ELF2: variants seen among roughly 807,000 people sequenced by gnomAD.
ELF2 encodes the protein ETS-related transcription factor Elf-2.
Under a neutral mutation model 54.8 loss-of-function variants are expected in ELF2, and 11 were observed. The observed-to-expected ratio is 0.20, with a 90% confidence interval of 0.13 to 0.33. The LOEUF (loss-of-function observed/expected upper bound fraction) is 0.33. Ranked by LOEUF, ELF2 falls within the 10% of genes least tolerant of loss-of-function variation. ELF2 has a pLI of 1.00. For missense variants in ELF2, 513 were observed against 703.0 expected (o/e 0.73, Z 3.06); for synonymous variants, 203 against 245.1 (o/e 0.83, Z 1.61).
chr4:139,064,355 T>C (rs1286404482), intron 7 of ELF2, among the ~76,000 whole-genome samples: 2 of 152,172 alleles, frequency 1.3e-5, no homozygotes, highest in East Asian at 1.9e-4. Flanking sequence ...ACGAAAAAGA[T>C]AGGTCATCTG....
At chr4:139,161,696 C>T (rs1445099797) in intron 1 of ELF2, among the ~76,000 whole-genome samples, 1 of 144,008 alleles carries the variant, frequency 6.9e-6, no homozygotes, top group African/African-American at 2.6e-5. Flanking sequence ...GTAGGCCGGG[C>T]GCGGTGGCTC....
At chr4:139,067,904 C>G (rs1728950602) in intron 6 of ELF2, 134 bp from the exon 7 acceptor site, 2 of 828,446 alleles carry the variant, frequency 2.4e-6, no homozygotes, top group African/African-American at 1.7e-5. Context: ...CTATGAAAAG[C>G]TGCTTCTAAA....
intron 3 of ELF2, among the ~76,000 whole-genome samples, chr4:139,127,687 A>G (rs1020610076): frequency 3.3e-5 from 5 of 152,142 alleles, no homozygotes; most frequent in Admixed American, 3.3e-4. Context: ...TTTGCATTAA[A>G]AAATTCAGGG....
intron 3 of ELF2, among the ~76,000 whole-genome samples, chr4:139,131,053 G>C (rs1273474246): frequency 1.3e-5 from 2 of 152,132 alleles, no homozygotes; most frequent in African/African-American, 4.8e-5. Flanking sequence ...CATGTACAAG[G>C]TTATTTTACT....
intron 1 of ELF2, among the ~76,000 whole-genome samples, chr4:139,172,087 C>T (rs537674487): frequency 5.3e-5 from 8 of 152,222 alleles, no homozygotes; most frequent in East Asian, 1.9e-4. Flanking sequence ...AAAAGCTAAA[C>T]GTATGATGCT....
chr4:139,115,274 G>C, intron 4 of ELF2: 2 of 1,601,716 alleles, frequency 1.2e-6, no homozygotes, highest in Admixed American at 1.7e-5. Context: ...GCGGTCCCGG[G>C]GGGGGCTCTG....
In ELF2 at chr4:139,059,553, T is replaced by C. The variant is rs1727502410; in HGVS notation, c.1212A>G (p.Lys404=). The change falls in exon 10 of 10, where the codon AAA becomes AAG. Residue 404 remains lysine, a synonymous_variant. Coordinates refer to ENST00000686138, the MANE Select transcript of ELF2 (RefSeq NM_001331036.3). ...CTGACTGAACTGCCACAGTTGAAAT[T>C]TTCTGACCCAATGATGTCATTACAA... is the stretch of plus-strand genomic sequence containing the variant. ...VPVVMTSLGQ[K]ISTVAVQSVN... 1.2e-6 allele frequency: 2 copies of C among 1,613,670 alleles called. No homozygotes were observed. The highest frequency in any genetic ancestry group is 1.7e-4 in the Middle Eastern group (1 of 6,056).
At chr4:139,169,137 C>A (rs142544042) in intron 1 of ELF2, among the ~76,000 whole-genome samples, 157 of 151,990 alleles carry the variant, frequency 1.0e-3, no homozygotes, top group African/African-American at 3.6e-3. Flanking sequence ...CACTTGAGGT[C>A]AGGAGTTTAA....
In ELF2 at chr4:139,076,434, C is replaced by T. The variant is rs186038965; in HGVS notation, c.239-2867G>A. Among the ~76,000 whole-genome samples, 11 of 151,166 alleles carry T rather than the reference C, an allele frequency of 7.3e-5. No individual in the cohort carries two copies. In the East Asian group the frequency reaches 2.1e-3, roughly 29 times the overall value. On this transcript the variant is annotated intron_variant, in intron 4 of 9. Coordinates refer to ENST00000686138, the MANE Select transcript of ELF2 (RefSeq NM_001331036.3). ...AGTGCCTCCCTACAATACTCACATA[C>T]ACTAAGAAAAAAAAAAAACCTTCAA... is the stretch of plus-strand genomic sequence containing the variant.
chr4:139,115,424 G>A lies in ELF2; in HGVS notation c.238+9740C>T, dbSNP rs1735586767. The A allele has an allele frequency of 6.1e-6, 6 of 989,478 alleles. No individual in the cohort carries two copies. In the South Asian group the frequency reaches 2.3e-4, roughly 39 times the overall value. 61.3% of individuals were successfully genotyped at this position (989,478 alleles called of 1,614,324 possible). A position where few individuals can be genotyped will look rare whatever the true frequency, so the allele number is the denominator to read the frequency against. On this transcript the variant is annotated intron_variant, in intron 4 of 9. Coordinates refer to ENST00000686138, the MANE Select transcript of ELF2 (RefSeq NM_001331036.3). ...GCATCGGGCCCCTCCCTGCGCCACC[G>A]CCTCCGGGACGCCCCCGGCTGGCTG...
At chr4:139,063,044 GGT>G (rs1395390673) in intron 7 of ELF2, among the ~76,000 whole-genome samples, 2 of 152,112 alleles carry the variant, frequency 1.3e-5, no homozygotes, top group Non-Finnish European at 2.9e-5. Context: ...TATCACGTGA[GGT>G]CAGGAGTTCG....
rs148979362 is a variant in ELF2, at chr4:139,109,391, A to C, written c.238+15773T>G. 1.2e-3 allele frequency among the ~76,000 whole-genome samples: 183 copies of C among 152,332 alleles called. 1 individual carries two copies. The highest frequency in any genetic ancestry group is 6.8e-3 in the Middle Eastern group (2 of 294). On this transcript the variant is annotated intron_variant, in intron 4 of 9. Coordinates refer to ENST00000686138, the MANE Select transcript of ELF2 (RefSeq NM_001331036.3). ...TGAGGTAAAAGGCTAAATATAATAC[A>C]GTTTATTAAATGAGAATTTTAGTCC...
chr4:139,095,480 A>AG (rs1289713630), intron 4 of ELF2, among the ~76,000 whole-genome samples: 1 of 152,024 alleles, frequency 6.6e-6, no homozygotes, highest in African/African-American at 2.4e-5. Context: ...CCACTGTGCC[A>AG]GCCTGCTATA....
chr4:139,073,655 G>A (rs1399417692), intron 4 of ELF2, 88 bp from the exon 5 acceptor site: 5 of 608,068 alleles, frequency 8.2e-6, no homozygotes, highest in Non-Finnish European at 1.0e-5. Flanking sequence ...ATTCACTCCT[G>A]AAAGAGAAAT....
At chr4:139,071,303 A>G (rs1019377842) in intron 6 of ELF2, among the ~76,000 whole-genome samples, 1 of 151,912 alleles carries the variant, frequency 6.6e-6, no homozygotes, top group Non-Finnish European at 1.5e-5. Context: ...ATATATGAAT[A>G]TGATATATAT....
chr4:139,151,691 G>A (rs1205773383), intron 1 of ELF2, among the ~76,000 whole-genome samples: 1 of 152,130 alleles, frequency 6.6e-6, no homozygotes, highest in Non-Finnish European at 1.5e-5. Context: ...CCAAAGAGGA[G>A]GTTAAAAAGG....
rs77661253 is a variant in ELF2, at chr4:139,176,621, G to A, written c.-252+346C>T. ...GTGACTCGCGCAGAGATGTAAACAC[G>A]GAGAGACCAGCTGCGCTCGGCCCAT... On this transcript the variant is annotated intron_variant, in intron 1 of 9. Coordinates refer to ENST00000686138, the MANE Select transcript of ELF2 (RefSeq NM_001331036.3). 1.1e-3 allele frequency among the ~76,000 whole-genome samples: 169 copies of A among 152,196 alleles called. 1 individual carries two copies. Among genetic ancestry groups the A allele is most frequent in the African/African-American group, 4.0e-3 (166 of 41,516 alleles).
intron 4 of ELF2, among the ~76,000 whole-genome samples, chr4:139,087,747 G>T (rs890974854): frequency 3.9e-5 from 6 of 152,160 alleles, no homozygotes; most frequent in Admixed American, 3.3e-4. Context: ...TTACAGGCGT[G>T]AGTCACCACG....
intron 1 of ELF2, among the ~76,000 whole-genome samples, chr4:139,171,331 G>A (rs1284771667): frequency 6.6e-6 from 1 of 151,970 alleles, no homozygotes; most frequent in Non-Finnish European, 1.5e-5. Flanking sequence ...AGCCCAGGAG[G>A]TCAAGGCTAC....
Sources: allele counts gnomAD v4.1 joint callset (sites outside exome capture counted in the v4.1 genomes callset), GRCh38; gene constraint gnomAD v4.1.1; transcripts MANE v1.5; gene names NCBI Gene and HGNC (gene_info 2026-07-23, HGNC 2026-07-21).